ZCCHC14: variants seen among roughly 807,000 people sequenced by gnomAD.
ZCCHC14 encodes the protein zinc finger CCHC-type containing 14.
ZCCHC14 carries 16 observed loss-of-function variants against 85.0 expected under a neutral mutation model. The ratio of observed to expected loss-of-function variants is 0.19; its 90% CI spans 0.13 to 0.29. The LOEUF (loss-of-function observed/expected upper bound fraction) is 0.29, where lower values mean the gene tolerates loss of function less well. ZCCHC14 is among the 10% of genes least tolerant of loss of function. The pLI, the probability that ZCCHC14 is intolerant of heterozygous loss-of-function variation, is 1.00. For missense variants in ZCCHC14, 1,303 were observed against 1,443.5 expected, an observed-to-expected ratio of 0.90 and a Z score of 1.58; for synonymous variants, 775 against 630.7, an observed-to-expected ratio of 1.23 and a Z score of -3.43.
intron 3 of ZCCHC14, among the ~76,000 whole-genome samples, chr16:87,430,433 G>C (rs2150736073): frequency 6.6e-6 from 1 of 152,206 alleles, no homozygotes; most frequent in African/African-American, 2.4e-5. Flanking sequence ...GAGAAGGCTT[G>C]AAATCAGGTT....
rs531935488 is a variant in ZCCHC14, at chr16:87,421,608, C to G, written c.841-892G>C. 7.2e-5 allele frequency among the ~76,000 whole-genome samples: 11 copies of G among 152,184 alleles called. No homozygotes were observed. The East Asian group carries it at 2.1e-3, about 30-fold the overall frequency. Reference sequence around the variant, plus strand: ...CAAACAAGCAGCAGCGGTCTACCCCCGAAAAGGGGCCGAGAGGGTAGAGAG... The same window carrying G: ...CAAACAAGCAGCAGCGGTCTACCCCGGAAAAGGGGCCGAGAGGGTAGAGAG... On this transcript the variant is annotated intron_variant, in intron 4 of 12. Transcript: ENST00000671377.
intron 2 of ZCCHC14, among the ~76,000 whole-genome samples, chr16:87,434,144 C>G (rs1322311140): frequency 2.0e-5 from 3 of 152,180 alleles, no homozygotes; most frequent in Non-Finnish European, 4.4e-5. Context: ...CCTACTCATC[C>G]CGTTTTCCAC....
intron 2 of ZCCHC14, among the ~76,000 whole-genome samples, chr16:87,452,434 G>T (rs1644685434): frequency 1.3e-5 from 2 of 152,170 alleles, no homozygotes; most frequent in Non-Finnish European, 2.9e-5. Context: ...AGAGCTGAAA[G>T]CCACCAAGAG....
At chr16:87,484,311 T>C (rs1912417536) in intron 1 of ZCCHC14, among the ~76,000 whole-genome samples, 1 of 152,242 alleles carries the variant, frequency 6.6e-6, no homozygotes, top group Non-Finnish European at 1.5e-5. Flanking sequence ...CCTCTGGCAC[T>C]TTTCCATTTC....
intron 2 of ZCCHC14, among the ~76,000 whole-genome samples, chr16:87,445,032 C>G (rs1190883291): frequency 6.6e-6 from 1 of 151,322 alleles, no homozygotes; most frequent in Non-Finnish European, 1.5e-5. Context: ...GTAGTGACAA[C>G]TTTTCTATAA....
chr16:87,426,746 C>G (rs1397949808), intron 3 of ZCCHC14, among the ~76,000 whole-genome samples: 1 of 152,242 alleles, frequency 6.6e-6, no homozygotes, highest in Non-Finnish European at 1.5e-5. Context: ...AGGCCCAGCA[C>G]AGAGACAGGC....
chr16:87,490,549 A>G (rs2150782175), intron 1 of ZCCHC14, among the ~76,000 whole-genome samples: 1 of 152,360 alleles, frequency 6.6e-6, no homozygotes, highest in Non-Finnish European at 1.5e-5. Flanking sequence ...CTTAGACAAA[A>G]GTTCACATCG....
At chr16:87,422,321 T>C (rs968754502) in intron 4 of ZCCHC14, among the ~76,000 whole-genome samples, 2 of 151,786 alleles carry the variant, frequency 1.3e-5, no homozygotes, top group African/African-American at 4.8e-5. Flanking sequence ...TGCACAAGCA[T>C]GGGAGAGCCG....
rs1912840402 is a variant in ZCCHC14 at position 87,492,882 on chromosome 16, CG to C, written c.-645del. Reference sequence around the variant, plus strand: ...GGACTTGCCGGCCTTGCTGCTCCCGCGCGGCGGACGGATCCGGGCCCGAGCG... The same window carrying C: ...GGACTTGCCGGCCTTGCTGCTCCCGCCGGCGGACGGATCCGGGCCCGAGCG... On this transcript the variant is annotated 5_prime_UTR_variant, in exon 1 of 13. Transcript: ENST00000671377. This position sits in a 1 kb window ranked among gnomAD's most constrained non-coding sequence, Gnocchi z 6.7. Among the ~76,000 whole-genome samples, 1 of 148,580 alleles carries C rather than the reference CG, an allele frequency of 6.7e-6. No homozygotes were observed. The highest frequency in any genetic ancestry group is 1.5e-5 in the Non-Finnish European group (1 of 66,660).
chr16:87,410,002 A>AT lies in ZCCHC14; in HGVS notation c.*277dup. Reference sequence around the variant, plus strand: ...GTGATGGCAATGCTCTTCGGGAGACATGGCGTCTCTGCACTGCAACCAAAA... The same window carrying AT: ...GTGATGGCAATGCTCTTCGGGAGACATTGGCGTCTCTGCACTGCAACCAAAA... On this transcript the variant is annotated 3_prime_UTR_variant, in exon 13 of 13. Coordinates refer to ENST00000671377, the MANE Select transcript of ZCCHC14 (RefSeq NM_015144.3). 1 of 295,822 alleles carries AT rather than the reference A, an allele frequency of 3.4e-6. No homozygotes were observed. The allele number at this position is 295,822 out of a possible 1,614,324, so 18.3% of individuals were successfully genotyped here.
At chr16:87,431,279 C>T (rs1025879870) in intron 3 of ZCCHC14, among the ~76,000 whole-genome samples, 2 of 151,964 alleles carry the variant, frequency 1.3e-5, no homozygotes, top group African/African-American at 4.8e-5. Context: ...TGAGACCATC[C>T]TGGCTAACAT....
chr16:87,471,595 C>G (rs868199432), intron 1 of ZCCHC14: 1 of 152,322 alleles, frequency 6.6e-6, no homozygotes. Context: ...TGCCCACCCG[C>G]GGGGGCTTCC....
At chr16:87,489,043 C>T (rs749175259) in intron 1 of ZCCHC14, among the ~76,000 whole-genome samples, 1 of 152,164 alleles carries the variant, frequency 6.6e-6, no homozygotes. Context: ...AGGAATACAC[C>T]AAACGTTAGA....
At chr16:87,427,684 T>G (rs1432118483) in intron 3 of ZCCHC14, among the ~76,000 whole-genome samples, 1 of 152,178 alleles carries the variant, frequency 6.6e-6, no homozygotes, top group Middle Eastern at 3.4e-3. Context: ...GTCGCCCAAG[T>G]TGGAGTGCAG....
At position 87,412,475 on chromosome 16, in the gene ZCCHC14, G is replaced by A; in HGVS notation, c.2246C>T (p.Pro749Leu). 3.7e-6 allele frequency: 6 copies of A among 1,613,932 alleles called. No individual in the cohort carries two copies. The highest frequency in any genetic ancestry group is 1.3e-5 in the African/African-American group (1 of 75,046). The change falls in exon 12 of 13, where the codon CCG becomes CTG. Residue 749 changes from proline to leucine, a missense_variant. Physicochemically the swap from Pro to Leu is moderately conservative, Grantham distance 98 (BLOSUM62 -3). Transcript: ENST00000671377. The stretch of plus-strand genomic sequence containing the variant: ...CGTGCTGGTCTCCACGACCAGGGCC[G>A]GTTGCTGTGCTGTCTTCAGCACCCT... ...LDRVLKTAQQ[P>L]ALVVETSTAA...
intron 1 of ZCCHC14, among the ~76,000 whole-genome samples, chr16:87,489,917 T>C (rs527586655): frequency 6.6e-6 from 1 of 151,722 alleles, no homozygotes; most frequent in African/African-American, 2.4e-5. Flanking sequence ...ATAGAAATTA[T>C]TAGTGGGTGG....
intron 2 of ZCCHC14, among the ~76,000 whole-genome samples, chr16:87,447,951 T>A (rs1274794172): frequency 6.6e-6 from 1 of 152,162 alleles, no homozygotes; most frequent in African/African-American, 2.4e-5. Flanking sequence ...ACTGGCGACT[T>A]GAATCATGAC....
intron 7 of ZCCHC14, 117 bp from the exon 8 acceptor site, chr16:87,417,859 G>T: frequency 7.8e-7 from 1 of 1,277,878 alleles, no homozygotes; most frequent in Non-Finnish European, 1.0e-6. Flanking sequence ...GGCCGGCCCT[G>T]TTGTCACAGG....
chr16:87,468,751 C>T (rs1441528704), intron 1 of ZCCHC14, among the ~76,000 whole-genome samples: 7 of 152,340 alleles, frequency 4.6e-5, no homozygotes, highest in African/African-American at 7.2e-5. Context: ...TGGGGATTCT[C>T]GTGGCATGCA....
Sources: gnomAD v4.1 joint callset for allele counts (sites outside exome capture counted in the v4.1 genomes callset) on GRCh38, gnomAD v4.1.1 for gene constraint, Gnocchi (gnomAD v3.1) non-coding constraint, MANE v1.5 for transcripts, NCBI Gene and HGNC (gene_info 2026-07-23, HGNC 2026-07-21) for gene names.